Variants in GMDS observed in about 807,000 individuals in gnomAD.
The protein encoded by GMDS is GDP-mannose 4,6 dehydratase.
In GMDS, 20 loss-of-function variants were observed where a neutral mutation model predicts 49.9. That is an observed-to-expected ratio of 0.40 (90% confidence interval 0.28 to 0.58). The LOEUF (loss-of-function observed/expected upper bound fraction) is 0.58. Ranked by LOEUF, GMDS falls within the 20% of genes least tolerant of loss-of-function variation. The probability of loss-of-function intolerance (pLI) is 0.42; values close to 1 mark genes in which losing one functional copy is unlikely to be tolerated. For synonymous variants in GMDS, 177 were observed against 178.6 expected (o/e 0.99, Z 0.07); for missense variants, 362 against 481.4 (o/e 0.75, Z 2.32).
intron 4 of GMDS, among the ~76,000 whole-genome samples, chr6:2,000,181 G>A (rs541746359): frequency 2.1e-5 from 3 of 144,280 alleles, no homozygotes; most frequent in Middle Eastern, 3.5e-3. Context: ...GACTACAGGC[G>A]CCCGCCACCA....
intron 9 of GMDS, among the ~76,000 whole-genome samples, chr6:1,658,379 A>C (rs940911754): frequency 6.6e-6 from 1 of 152,266 alleles, no homozygotes; most frequent in African/African-American, 2.4e-5. Context: ...GCTGAGGAAC[A>C]TAAGAGTATC....
chr6:1,691,454 G>A (rs1362301213), intron 9 of GMDS, among the ~76,000 whole-genome samples: 1 of 152,068 alleles, frequency 6.6e-6, no homozygotes, highest in Non-Finnish European at 1.5e-5. Flanking sequence ...AACCACCATG[G>A]CATACGTTCA....
chr6:1,861,417 G>T (rs1581267566), intron 7 of GMDS, among the ~76,000 whole-genome samples: 1 of 152,318 alleles, frequency 6.6e-6, no homozygotes, highest in East Asian at 1.9e-4. Context: ...TGCAGCTGGG[G>T]ATGGTGAGGG....
In GMDS at chr6:1,623,936, A is replaced by G. The variant is rs1311149028; in HGVS notation, c.*233T>C. ...TAAAACATCTTGATTTCACAAAGCC[A>G]TTCAGAGGAGGCTTCGACAAACGCA... On this transcript the variant is annotated 3_prime_UTR_variant, in exon 11 of 11. Transcript: ENST00000380815. 2.7e-5 allele frequency: 14 copies of G among 510,942 alleles called. No individual in the cohort carries two copies. The highest frequency in any genetic ancestry group is 6.8e-5 in the Admixed American group (2 of 29,628). The allele number at this position is 510,942 out of a possible 1,614,324, so 31.7% of individuals were successfully genotyped here.
intron 8 of GMDS, among the ~76,000 whole-genome samples, chr6:1,736,371 C>A (rs554301963): frequency 6.6e-6 from 1 of 152,070 alleles, no homozygotes; most frequent in African/African-American, 2.4e-5. Context: ...AGAAGAAGAC[C>A]TCATTTAAAT....
At chr6:1,682,953 C>T (rs946037300) in intron 9 of GMDS, among the ~76,000 whole-genome samples, 35 of 152,256 alleles carry the variant, frequency 2.3e-4, no homozygotes, top group Admixed American at 1.5e-3. Context: ...TTCTATTGGC[C>T]TAGTTGGTCC....
At chr6:2,077,569 C>T (rs955493286) in intron 4 of GMDS, among the ~76,000 whole-genome samples, 5 of 152,004 alleles carry the variant, frequency 3.3e-5, no homozygotes, top group Non-Finnish European at 2.9e-5. Context: ...ATTCTGCTTA[C>T]GTGATGTATC....
chr6:2,043,968 C>T (rs1769843106), intron 4 of GMDS, among the ~76,000 whole-genome samples: 1 of 152,046 alleles, frequency 6.6e-6, no homozygotes, highest in African/African-American at 2.4e-5. Context: ...GAGAAAAAAG[C>T]TCAACATCAC....
In GMDS at chr6:1,913,057, A is replaced by G. The variant is rs566327204; in HGVS notation, c.771+17046T>C. Reference sequence around the variant, plus strand: ...TCATTTATTGTTATTTGATCAAGAAAACTAGTTATTAATAACTGACCCTTT... The same window carrying G: ...TCATTTATTGTTATTTGATCAAGAAGACTAGTTATTAATAACTGACCCTTT... On this transcript the variant is annotated intron_variant, in intron 7 of 10. Coordinates refer to ENST00000380815, the MANE Select transcript of GMDS (RefSeq NM_001500.4). Among the ~76,000 whole-genome samples the G allele has an allele frequency of 9.2e-5, 14 of 152,318 alleles. No individual in the cohort carries two copies. In the East Asian group the frequency reaches 2.7e-3, roughly 29 times the overall value.
At chr6:1,781,813 G>A (rs1204254544) in intron 7 of GMDS, among the ~76,000 whole-genome samples, 1 of 151,286 alleles carries the variant, frequency 6.6e-6, no homozygotes, top group Non-Finnish European at 1.5e-5. Flanking sequence ...TTACAGTATT[G>A]TAGGAATAAT....
At chr6:1,874,260 T>C (rs746072833) in intron 7 of GMDS, among the ~76,000 whole-genome samples, 2 of 152,158 alleles carry the variant, frequency 1.3e-5, no homozygotes, top group Non-Finnish European at 2.9e-5. Context: ...GAAAGAAATG[T>C]GAAAATCAAC....
chr6:1,681,045 G>A (rs554221845), intron 9 of GMDS, among the ~76,000 whole-genome samples: 2 of 152,112 alleles, frequency 1.3e-5, no homozygotes, highest in South Asian at 2.1e-4. Flanking sequence ...CACATACATC[G>A]AATATACATA....
chr6:1,705,717 C>T (rs528848341), intron 9 of GMDS, among the ~76,000 whole-genome samples: 4 of 152,224 alleles, frequency 2.6e-5, no homozygotes, highest in East Asian at 3.9e-4. Flanking sequence ...GAAGAGAGAA[C>T]GTCTAGCTCA....
intron 1 of GMDS, among the ~76,000 whole-genome samples, chr6:2,205,284 T>C (rs1415392099): frequency 6.6e-6 from 1 of 152,170 alleles, no homozygotes; most frequent in Non-Finnish European, 1.5e-5. Flanking sequence ...CTATTCCCCA[T>C]CCTCTACCTA....
chr6:2,188,175 C>G (rs1332843972), intron 1 of GMDS, among the ~76,000 whole-genome samples: 1 of 152,228 alleles, frequency 6.6e-6, no homozygotes, highest in Admixed American at 6.5e-5. Context: ...CACAGAGGCT[C>G]CTGCTCTGGA....
At chr6:1,929,068 C>T (rs1352800538) in intron 7 of GMDS, among the ~76,000 whole-genome samples, 1 of 152,146 alleles carries the variant, frequency 6.6e-6, no homozygotes, top group Non-Finnish European at 1.5e-5. Flanking sequence ...TAACAGAAAT[C>T]AGTATTAGCT....
At position 1,831,211 on chromosome 6, in the gene GMDS, G is replaced by A. The variant is rs867909971; in HGVS notation, c.772-88625C>T. On this transcript the variant is annotated intron_variant, in intron 7 of 10. Coordinates refer to ENST00000380815, the MANE Select transcript of GMDS (RefSeq NM_001500.4). The stretch of plus-strand genomic sequence containing the variant: ...CGCTGGTTACACTGGCCTCCTGGAC[G>A]TTAGGTCAAAGCCCTCCCATCCTGA... Among the ~76,000 whole-genome samples the A allele has an allele frequency of 5.9e-5, 9 of 152,320 alleles. No individual in the cohort carries two copies. The South Asian group carries it at 1.0e-3, about 18-fold the overall frequency.
chr6:1,859,913 T>C (rs1009559897), intron 7 of GMDS, among the ~76,000 whole-genome samples: 4 of 152,328 alleles, frequency 2.6e-5, no homozygotes, highest in South Asian at 2.1e-4. Flanking sequence ...AAATAATACA[T>C]AGGTAAAAAT....
chr6:1,999,930 AT>A (rs1177072274), intron 4 of GMDS, among the ~76,000 whole-genome samples: 12 of 82,150 alleles, frequency 1.5e-4, no homozygotes, highest in African/African-American at 4.3e-4. Context: ...CATATTATAT[AT>A]TATTATATAT....
Sources: allele counts gnomAD v4.1 joint callset (sites outside exome capture counted in the v4.1 genomes callset), GRCh38; gene constraint gnomAD v4.1.1; transcripts MANE v1.5; gene names NCBI Gene and HGNC (gene_info 2026-07-23, HGNC 2026-07-21).